ATP23: variants seen among roughly 807,000 people sequenced by gnomAD.
ATP23 encodes mitochondrial inner membrane protease ATP23 homolog.
Under a neutral mutation model 28.5 loss-of-function variants are expected in ATP23, and 24 were observed. The ratio of observed to expected loss-of-function variants is 0.84; its 90% CI spans 0.61 to 1.18. ATP23 has a LOEUF of 1.18. Ranked by LOEUF, ATP23 falls within the 50% of genes most tolerant of loss-of-function variation. The pLI is 0.00. For synonymous variants in ATP23, 99 were observed against 108.6 expected (o/e 0.91, Z 0.55); for missense variants, 274 against 306.4 (o/e 0.89, Z 0.79).
At position 57,946,950 on chromosome 12, in the gene ATP23, C is replaced by G. The variant is rs375282937; in HGVS notation, c.234-45C>G. 233 of 1,593,110 alleles carry G rather than the reference C, an allele frequency of 1.5e-4. 1 individual carries two copies. The highest frequency in any genetic ancestry group is 1.2e-3 in the Middle Eastern group (7 of 6,036). ...AGCCCTGGCCCAGGGCTGTTTGCCA[C>G]ATACACACTGTTTCTGGACATTGTC... On this transcript the variant is annotated intron_variant, in intron 2 of 5. Coordinates refer to ENST00000300145, the MANE Select transcript of ATP23 (RefSeq NM_033276.4).
rs1421819092 is a variant in ATP23, at chr12:57,956,770, A to C, written c.621A>C (p.Glu207Asp). ...SKEVAKKAVD[E>D]VFESCFNDHE... Reference sequence around the variant, plus strand: ...AAGTAGCTAAAAAGGCTGTTGATGAAGTTTTTGAATCTTGTTTCAATGACC... The same window carrying C: ...AAGTAGCTAAAAAGGCTGTTGATGACGTTTTTGAATCTTGTTTCAATGACC... The change falls in exon 6 of 6, where the codon GAA becomes GAC. Residue 207 changes from glutamate (E) to aspartate (D), a missense_variant. Glu to Asp is a conservative substitution (Grantham distance 45). Coordinates refer to ENST00000300145, the MANE Select transcript of ATP23 (RefSeq NM_033276.4). The C allele has an allele frequency of 1.2e-6, 2 of 1,613,910 alleles. No individual in the cohort carries two copies. The highest frequency in any genetic ancestry group is 1.6e-4 in the Middle Eastern group (1 of 6,080).
rs1232580907 is a variant in ATP23 at position 57,957,119 on chromosome 12, ATACAT to A, written c.*236_*240del. ...TTATAGCTAACCATTTAGTAAATAA[ATACAT>A]TACATTTTTGTATTTTAGTCATTTG... is the stretch of plus-strand genomic sequence containing the variant. On this transcript the variant is annotated 3_prime_UTR_variant, in exon 6 of 6. Transcript: ENST00000300145. The A allele has an allele frequency of 2.6e-6, 1 of 382,068 alleles. No homozygotes were observed. Among genetic ancestry groups the A allele is most frequent in the African/African-American group, 2.1e-5 (1 of 48,046 alleles). 23.7% of individuals were successfully genotyped at this position (382,068 alleles called of 1,614,324 possible). A position where few individuals can be genotyped will look rare whatever the true frequency, so the allele number is the denominator to read the frequency against.
At position 57,944,511 on chromosome 12, in the gene ATP23, C is replaced by T. The variant is rs575621410; in HGVS notation, c.188-1117C>T. Among the ~76,000 whole-genome samples the T allele has an allele frequency of 5.9e-5, 9 of 152,310 alleles. No homozygotes were observed. The East Asian group carries it at 9.6e-4, about 16-fold the overall frequency. ...CCCTCAGGAATCGTCTAGGCCTCCC[C>T]GTCCCCTTACAGGGAAACCTCTGTG... On this transcript the variant is annotated intron_variant, in intron 1 of 5. Coordinates refer to ENST00000300145, the MANE Select transcript of ATP23 (RefSeq NM_033276.4).
rs1333467403 is a variant in ATP23 at position 57,945,652 on chromosome 12, A to T, written c.212A>T (p.Asp71Val). 2.5e-6 allele frequency: 4 copies of T among 1,613,764 alleles called. No individual in the cohort carries two copies. In the Admixed American group the frequency reaches 6.7e-5, roughly 27 times the overall value. ...ETNPYVKLLLDAMKHSGCAVN... is the reference protein window; with the variant it reads ...ETNPYVKLLLVAMKHSGCAVN... Reference sequence around the variant, plus strand: ...GATCCATATGTCAAACTTCTGCTTGATGCTATGAAACACTCAGGTTGGTAA... The same window carrying T: ...GATCCATATGTCAAACTTCTGCTTGTTGCTATGAAACACTCAGGTTGGTAA... Residue 71 changes from aspartate (D) to valine (V), a missense_variant, in exon 2 of 6, where the codon GAT becomes GTT. Transcript: ENST00000300145.
chr12:57,942,152 C>T (rs1956711553), intron 1 of ATP23, among the ~76,000 whole-genome samples: 2 of 152,172 alleles, frequency 1.3e-5, no homozygotes, highest in East Asian at 1.9e-4. Context: ...ACAGATCCTC[C>T]GATTTCTTAC....
In ATP23 at chr12:57,957,039, A is replaced by C. The variant is rs1956875882; in HGVS notation, c.*149A>C. The C allele has an allele frequency of 5.0e-6, 3 of 598,902 alleles. No homozygotes were observed. Among genetic ancestry groups the C allele is most frequent in the Non-Finnish European group, 7.6e-6 (3 of 396,812 alleles). 37.1% of individuals were successfully genotyped at this position (598,902 alleles called of 1,614,324 possible). On this transcript the variant is annotated 3_prime_UTR_variant, in exon 6 of 6. Coordinates refer to ENST00000300145, the MANE Select transcript of ATP23 (RefSeq NM_033276.4). ...GTGATTCTAGCATATTATCAGAAAAAGTAACTATGGCAAAAAATGAAACTG... is the reference window on the plus strand; with the variant it reads ...GTGATTCTAGCATATTATCAGAAAACGTAACTATGGCAAAAAATGAAACTG...
At position 57,953,627 on chromosome 12, in the gene ATP23, G is replaced by A; in HGVS notation, c.475G>A (p.Gly159Arg). The A allele has an allele frequency of 6.2e-7, 1 of 1,614,078 alleles. No homozygotes were observed. The highest frequency in any genetic ancestry group is 1.7e-5 in the Admixed American group (1 of 60,018). ...ATAGGTTCGAGCTGCTAACCTTAGTGGAGACTGCTCACTTGTCAATGAAAT... is the reference window on the plus strand; with the variant it reads ...ATAGGTTCGAGCTGCTAACCTTAGTAGAGACTGCTCACTTGTCAATGAAAT... ...CSEVRAANLS[G>R]DCSLVNEIFR... The change falls in exon 5 of 6, where the codon GGA (glycine) becomes AGA (arginine). Residue 159 changes from glycine (G) to arginine (R), a missense_variant. By Grantham distance (125) the Gly-to-Arg change is moderately radical. Coordinates refer to ENST00000300145, the MANE Select transcript of ATP23 (RefSeq NM_033276.4).
intron 1 of ATP23, among the ~76,000 whole-genome samples, chr12:57,943,755 G>C (rs1956731481): frequency 6.6e-6 from 1 of 152,128 alleles, no homozygotes; most frequent in Non-Finnish European, 1.5e-5. Flanking sequence ...AATGGTAGCT[G>C]TTTTTACAGT....
rs1956891889 is a variant in ATP23 at position 57,958,763 on chromosome 12, A to G, written c.*1873A>G. The stretch of plus-strand genomic sequence containing the variant: ...CCTTCAGCCCTAGACCTTCCCTTTG[A>G]CAGAGACTACCCAAATGAGAAGGAA... On this transcript the variant is annotated 3_prime_UTR_variant, in exon 6 of 6. Coordinates refer to ENST00000300145, the MANE Select transcript of ATP23 (RefSeq NM_033276.4). Among the ~76,000 whole-genome samples the G allele has an allele frequency of 6.6e-6, 1 of 152,230 alleles. No homozygotes were observed. The highest frequency in any genetic ancestry group is 1.5e-5 in the Non-Finnish European group (1 of 68,044).
At position 57,951,693 on chromosome 12, in the gene ATP23, G is replaced by C. The variant is rs571099001; in HGVS notation, c.316-65G>C. 3.2e-5 allele frequency: 51 copies of C among 1,581,100 alleles called. 1 individual carries two copies. In the South Asian group the frequency reaches 5.4e-4, roughly 17 times the overall value. ...GGGAGAGGTGAGGTCATGTGGGAGA[G>C]AAGATCGAGTCTATGGAAGGAGATT... On this transcript the variant is annotated intron_variant, in intron 3 of 5. Transcript: ENST00000300145.
intron 2 of ATP23, 113 bp from the exon 3 acceptor site, chr12:57,946,882 G>A: frequency 1.3e-6 from 1 of 766,836 alleles, no homozygotes; most frequent in East Asian, 2.6e-5. Context: ...TTTCCTATGT[G>A]TTAGTAGTAG....
intron 3 of ATP23, 118 bp downstream of exon 3, chr12:57,947,194 A>C: frequency 1.1e-6 from 1 of 903,226 alleles, no homozygotes; most frequent in Admixed American, 2.4e-5. Context: ...TAAAAAAGTG[A>C]ATTAGTTATC....
intron 2 of ATP23, among the ~76,000 whole-genome samples, chr12:57,946,247 G>C (rs1956759808): frequency 6.6e-6 from 1 of 152,092 alleles, no homozygotes; most frequent in African/African-American, 2.4e-5. Context: ...TAATTACCAA[G>C]CCTGGCCTTT....
intron 3 of ATP23, among the ~76,000 whole-genome samples, chr12:57,950,747 C>T (rs887937056): frequency 6.6e-6 from 1 of 151,724 alleles, no homozygotes; most frequent in African/African-American, 2.4e-5. Flanking sequence ...CAGGCTGGTC[C>T]CGAACTCCTG....
At chr12:57,944,692 T>C (rs1030950413) in intron 1 of ATP23, among the ~76,000 whole-genome samples, 1 of 152,256 alleles carries the variant, frequency 6.6e-6, no homozygotes, top group Admixed American at 6.5e-5. Context: ...GTAACTTCCA[T>C]ACTTTGGTCC....
chr12:57,951,106 A>C (rs1482541270), intron 3 of ATP23, among the ~76,000 whole-genome samples: 1 of 152,152 alleles, frequency 6.6e-6, no homozygotes, highest in Non-Finnish European at 1.5e-5. Context: ...GGTCCTGCTC[A>C]GTGTGCTGTT....
chr12:57,947,849 G>A (rs1956777281), intron 3 of ATP23, among the ~76,000 whole-genome samples: 1 of 152,076 alleles, frequency 6.6e-6, no homozygotes, highest in Non-Finnish European at 1.5e-5. Context: ...ATGTGATCAG[G>A]GTAAATGATG....
intron 1 of ATP23, among the ~76,000 whole-genome samples, chr12:57,943,121 A>C (rs1956723364): frequency 6.6e-6 from 1 of 152,174 alleles, no homozygotes; most frequent in African/African-American, 2.4e-5. Flanking sequence ...GGAGAGAATG[A>C]TGATATTGTA....
chr12:57,948,256 C>T (rs1017985266), intron 3 of ATP23, among the ~76,000 whole-genome samples: 12 of 151,806 alleles, frequency 7.9e-5, no homozygotes, highest in Admixed American at 6.6e-5. Context: ...GTTGGGCACC[C>T]TCTCCTTTTA....
Sources: gnomAD v4.1 joint callset for allele counts (sites outside exome capture counted in the v4.1 genomes callset) on GRCh38, gnomAD v4.1.1 for gene constraint, MANE v1.5 for transcripts, NCBI Gene and HGNC (gene_info 2026-07-23, HGNC 2026-07-21) for gene names.